Variants in CCM2 observed in about 807,000 individuals in gnomAD.
CCM2 encodes cerebral cavernous malformations 2 protein.
In CCM2, 25 loss-of-function variants were observed where a neutral mutation model predicts 44.9. The observed-to-expected ratio is 0.56, with a 90% CI of 0.41 to 0.78. The LOEUF is 0.78. Ranked by LOEUF, CCM2 falls within the 30% of genes least tolerant of loss-of-function variation. The pLI is 0.00. For synonymous variants in CCM2, 219 were observed against 241.1 expected (o/e 0.91, Z 0.85); for missense variants, 481 against 580.6 (o/e 0.83, Z 1.76).
chr7:45,072,102 G>A (rs1583989340), intron 6 of CCM2: 1 of 318,118 alleles, frequency 3.1e-6, no homozygotes, highest in Non-Finnish European at 6.1e-6. Context: ...TTCACTCACT[G>A]TCTGTGCTGG....
At chr7:45,001,806 A>T (rs553503456) in intron 1 of CCM2, among the ~76,000 whole-genome samples, 9 of 152,280 alleles carry the variant, frequency 5.9e-5, no homozygotes, top group Non-Finnish European at 1.2e-4. Context: ...GGTACAAGTG[A>T]AAAAACAGTA....
chr7:45,000,867 A>G (rs1324303975), intron 1 of CCM2, among the ~76,000 whole-genome samples: 1 of 152,214 alleles, frequency 6.6e-6, no homozygotes, highest in Admixed American at 6.5e-5. Flanking sequence ...TGGCAGTGGG[A>G]TTTAGGACAT....
intron 6 of CCM2, chr7:45,071,437 C>T (rs1583987595): frequency 5.2e-6 from 1 of 191,306 alleles, no homozygotes; most frequent in Non-Finnish European, 1.1e-5. Context: ...AAGACCTCCC[C>T]GTGGGATCCA....
At chr7:45,072,017 T>C in intron 6 of CCM2, 1 of 371,180 alleles carries the variant, frequency 2.7e-6, no homozygotes, top group South Asian at 2.0e-5. Flanking sequence ...GTCCCTTTTA[T>C]CTCTCAGCCT....
chr7:45,065,684 G>A (rs10266485), intron 4 of CCM2, among the ~76,000 whole-genome samples: 5,263 of 152,218 alleles, frequency 0.035, 353 homozygotes, highest in African/African-American at 0.12. Flanking sequence ...AACTACACAG[G>A]GAACACTGGC....
rs773951494 is a variant in CCM2, at chr7:45,069,911, C to T, written c.695C>T (p.Ala232Val). Residue 232 changes from alanine (A) to valine (V), a missense_variant, in exon 6 of 10, where the codon GCG (alanine) becomes GTG (valine). Transcript: ENST00000258781. Reference sequence around the variant, plus strand: ...TCCACCATCGACTTTCTGGACAGAGCGATATTTGATGGGGCCTCTACCCCG... The same window carrying T: ...TCCACCATCGACTTTCTGGACAGAGTGATATTTGATGGGGCCTCTACCCCG... ...TESTIDFLDR[A>V]IFDGASTPTH... The T allele has an allele frequency of 2.5e-6, 4 of 1,614,130 alleles. No homozygotes were observed. Among genetic ancestry groups the T allele is most frequent in the South Asian group, 1.1e-5 (1 of 91,084 alleles).
At chr7:45,007,156 C>T (rs1436299705) in intron 1 of CCM2, among the ~76,000 whole-genome samples, 5 of 152,182 alleles carry the variant, frequency 3.3e-5, no homozygotes, top group African/African-American at 1.2e-4. Context: ...ACAACCCTCA[C>T]TGTGCTGTAT....
intron 1 of CCM2, among the ~76,000 whole-genome samples, chr7:45,032,369 T>C (rs1366735707): frequency 6.6e-6 from 1 of 152,090 alleles, no homozygotes; most frequent in Admixed American, 6.6e-5. Flanking sequence ...TGCCCTATCT[T>C]TGGCGTTCCG....
intron 2 of CCM2, among the ~76,000 whole-genome samples, chr7:45,043,108 G>A (rs1042511336): frequency 6.6e-6 from 1 of 151,722 alleles, no homozygotes; most frequent in Non-Finnish European, 1.5e-5. Flanking sequence ...GAGTAGCTGA[G>A]ACTACAGGTG....
rs115656305 is a variant in CCM2, at chr7:45,063,548, A to G, written c.205-370A>G. 7.9e-3 allele frequency among the ~76,000 whole-genome samples: 1,196 copies of G among 152,330 alleles called. 16 individuals carry two copies. The highest frequency in any genetic ancestry group is 0.027 in the African/African-American group (1,123 of 41,576). On this transcript the variant is annotated intron_variant, in intron 2 of 9. Transcript: ENST00000258781. ...AGTTTATTTTTTAGTGAAGTTGTGC[A>G]TGATGCCATTGTTTTCAGTTTCCCC...
intron 4 of CCM2, among the ~76,000 whole-genome samples, chr7:45,065,218 C>G (rs1798715905): frequency 6.6e-6 from 1 of 152,234 alleles, no homozygotes; most frequent in African/African-American, 2.4e-5. Context: ...TACAGTGCTG[C>G]CTCACTGGAC....
At chr7:45,014,023 A>G (rs1281277003) in intron 1 of CCM2, among the ~76,000 whole-genome samples, 3 of 152,174 alleles carry the variant, frequency 2.0e-5, no homozygotes, top group East Asian at 1.9e-4. Flanking sequence ...TTTTACTTAC[A>G]AGACTGTAGT....
At chr7:45,057,780 G>A (rs1477421940) in intron 2 of CCM2, among the ~76,000 whole-genome samples, 1 of 152,184 alleles carries the variant, frequency 6.6e-6, no homozygotes, top group Non-Finnish European at 1.5e-5. Context: ...CAGCACTATA[G>A]AGATTGGGGA....
At chr7:45,055,971 C>T (rs748041586) in intron 2 of CCM2, among the ~76,000 whole-genome samples, 6 of 152,244 alleles carry the variant, frequency 3.9e-5, no homozygotes, top group Non-Finnish European at 8.8e-5. Context: ...TCGCTTAGCA[C>T]AGTGCCCTCA....
chr7:45,073,571 G>A lies in CCM2; in HGVS notation c.915G>A (p.Thr305=), dbSNP rs2289367. The A allele has an allele frequency of 0.22, 349,323 of 1,602,280 alleles. 39,162 individuals are homozygous for A. Among genetic ancestry groups the A allele is most frequent in the Admixed American group, 0.32 (19,213 of 59,706 alleles). Residue 305 remains threonine (T), a splice_region_variant and synonymous_variant, in exon 8 of 10, where the codon ACG becomes ACA. Coordinates refer to ENST00000258781, the MANE Select transcript of CCM2 (RefSeq NM_031443.4). ...ATELLQDYML[T]LRTKLSSQEI... ...AGCTGCTGCAGGACTACATGCTGACGGTAGGCCTCCGCTGCAGGGACGCTG... is the reference window on the plus strand; with the variant it reads ...AGCTGCTGCAGGACTACATGCTGACAGTAGGCCTCCGCTGCAGGGACGCTG...
intron 6 of CCM2, 114 bp from the exon 7 acceptor site, chr7:45,072,612 C>G: frequency 2.5e-6 from 2 of 800,516 alleles, no homozygotes; most frequent in Non-Finnish European, 4.3e-6. Context: ...ACAGCAGGGT[C>G]CCTGAAGACC....
Position 45,076,092 on chromosome 7 carries a change from C to T in CCM2, c.*35C>T, listed in dbSNP as rs371810028. The T allele has an allele frequency of 1.6e-4, 256 of 1,611,750 alleles. No homozygotes were observed. Among genetic ancestry groups the T allele is most frequent in the Non-Finnish European group, 2.0e-4 (236 of 1,179,900 alleles). ...GATGGGGGGGCACCCACACCTTCCG[C>T]GCAGTCGTCATAGGCCTTCCCAGAA... On this transcript the variant is annotated 3_prime_UTR_variant, in exon 10 of 10. Transcript: ENST00000258781.
chr7:45,071,791 T>C (rs1446950550), intron 6 of CCM2: 1 of 456,630 alleles, frequency 2.2e-6, no homozygotes, highest in Non-Finnish European at 4.4e-6. Flanking sequence ...TTCCTTTGAC[T>C]GTCAGCTTCC....
intron 1 of CCM2, among the ~76,000 whole-genome samples, chr7:45,034,031 C>A (rs571220638): frequency 1.1e-4 from 17 of 152,112 alleles, no homozygotes; most frequent in Admixed American, 5.9e-4. Flanking sequence ...CTGCAAACTA[C>A]CTGTCATGTC....
Sources: gnomAD v4.1 joint callset for allele counts (sites outside exome capture counted in the v4.1 genomes callset) on GRCh38, gnomAD v4.1.1 for gene constraint, MANE v1.5 for transcripts, NCBI Gene and HGNC (gene_info 2026-07-23, HGNC 2026-07-21) for gene names.